FBN1: variants seen among roughly 807,000 people sequenced by gnomAD.
FBN1 encodes fibrillin 1.
In FBN1, 29 loss-of-function variants were observed where a neutral mutation model predicts 365.1. That is an observed-to-expected ratio of 0.08 (90% CI 0.06 to 0.11). The LOEUF (loss-of-function observed/expected upper bound fraction) is 0.11, where lower values mean the gene tolerates loss of function less well. FBN1 is among the 10% of genes least tolerant of loss of function. The pLI is 1.00. For missense variants in FBN1, 2,476 were observed against 3,703.2 expected (o/e 0.67, Z 8.60); for synonymous variants, 1,210 against 1,270.5 (o/e 0.95, Z 1.01).
intron 65 of FBN1, among the ~76,000 whole-genome samples, chr15:48,412,071 C>A (rs2042867903): frequency 1.3e-5 from 2 of 152,216 alleles, no homozygotes; most frequent in Admixed American, 1.3e-4. Flanking sequence ...TATCTGTGCA[C>A]TTCTGAGTTG....
At chr15:48,532,476 ATG>A (rs149675514) in intron 8 of FBN1, among the ~76,000 whole-genome samples, 2,440 of 149,028 alleles carry the variant, frequency 0.016, 53 homozygotes, top group African/African-American at 0.056. Context: ...GTGTGTGTAT[ATG>A]TGTGTGTGTG....
intron 31 of FBN1, 139 bp from the exon 32 acceptor site, chr15:48,481,919 G>T (rs1213511514): frequency 1.2e-6 from 1 of 840,552 alleles, no homozygotes. Context: ...AAATTTTAGA[G>T]GCCAATTTAC....
At chr15:48,432,328 GATTA>G (rs772975647) in intron 55 of FBN1, among the ~76,000 whole-genome samples, 143 of 152,282 alleles carry the variant, frequency 9.4e-4, no homozygotes, top group Non-Finnish European at 1.7e-3. Context: ...CAAACTCTAT[GATTA>G]CTGCAGTTTG....
rs12906384 is a variant in FBN1, at chr15:48,461,954, G to A, written c.5224+1128C>T. ...GCAGGCCATTCAAAAGTAGATGGTG[G>A]GACAGATTTGGCCCATGGGGTGTAT... On this transcript the variant is annotated intron_variant, in intron 42 of 65. Coordinates refer to ENST00000316623, the MANE Select transcript of FBN1 (RefSeq NM_000138.5). Among the ~76,000 whole-genome samples, 111 of 152,242 alleles carry A rather than the reference G, an allele frequency of 7.3e-4. 1 individual carries two copies. Among genetic ancestry groups the A allele is most frequent in the South Asian group, 1.7e-3 (8 of 4,824 alleles).
At chr15:48,427,950 G>C (rs1246079933) in intron 57 of FBN1, 177 bp from the exon 58 acceptor site, 1 of 710,092 alleles carries the variant, frequency 1.4e-6, no homozygotes, top group Admixed American at 2.0e-5. Flanking sequence ...ACGTCTGAGG[G>C]AAACAAATAA....
chr15:48,416,284 G>A (rs1271926990), intron 63 of FBN1, among the ~76,000 whole-genome samples: 2 of 152,152 alleles, frequency 1.3e-5, no homozygotes, highest in Non-Finnish European at 2.9e-5. Context: ...CCTATTTCAG[G>A]ATATGCTGAT....
At chr15:48,528,722 G>A (rs892081724) in intron 8 of FBN1, among the ~76,000 whole-genome samples, 5 of 152,080 alleles carry the variant, frequency 3.3e-5, no homozygotes, top group Admixed American at 1.3e-4. Context: ...GATAAAATGG[G>A]ACTAGGCCAA....
intron 6 of FBN1, among the ~76,000 whole-genome samples, chr15:48,538,788 T>C (rs991231467): frequency 2.6e-5 from 4 of 152,102 alleles, no homozygotes; most frequent in African/African-American, 7.2e-5. Flanking sequence ...CAAACCAACA[T>C]TTGCATGCTT....
chr15:48,618,721 A>C (rs547249133), intron 2 of FBN1, among the ~76,000 whole-genome samples: 3 of 152,310 alleles, frequency 2.0e-5, no homozygotes, highest in Admixed American at 2.0e-4. Context: ...AAGCAAGTGA[A>C]GCTTCCTCTG....
At chr15:48,614,409 A>T (rs1170311624) in intron 2 of FBN1, among the ~76,000 whole-genome samples, 1 of 152,186 alleles carries the variant, frequency 6.6e-6, no homozygotes, top group East Asian at 1.9e-4. Flanking sequence ...ACCACGTGAA[A>T]CAGTACAGAG....
chr15:48,603,400 T>C (rs894866524), intron 4 of FBN1, among the ~76,000 whole-genome samples: 1 of 152,120 alleles, frequency 6.6e-6, no homozygotes, highest in African/African-American at 2.4e-5. Context: ...AGATCTTTAG[T>C]GGGGAATAAA....
At chr15:48,432,759 T>C in intron 55 of FBN1, 107 bp downstream of exon 55, 2 of 1,425,040 alleles carry the variant, frequency 1.4e-6, no homozygotes, top group Non-Finnish European at 2.0e-6. Context: ...CCACGGACTA[T>C]TTATATTCCA....
intron 55 of FBN1, among the ~76,000 whole-genome samples, chr15:48,432,041 A>T (rs1212731881): frequency 1.3e-5 from 2 of 152,166 alleles, no homozygotes; most frequent in Non-Finnish European, 2.9e-5. Context: ...CAAATATCTT[A>T]TTCTCTACTG....
chr15:48,623,952 CACACACAAAGACACAA>C (rs1487175636), intron 2 of FBN1, among the ~76,000 whole-genome samples: 1 of 127,938 alleles, frequency 7.8e-6, no homozygotes, highest in African/African-American at 2.8e-5. Context: ...CTCACATACA[CACACACAAAGACACAA>C]ACACACACAC....
chr15:48,494,027 A>C (rs977807129), intron 23 of FBN1, among the ~76,000 whole-genome samples, 177 bp downstream of exon 23: 8 of 152,196 alleles, frequency 5.3e-5, no homozygotes, highest in Admixed American at 5.2e-4. Context: ...TGACACTAGC[A>C]ACAGTATATA....
At chr15:48,570,928 T>C (rs114352321) in intron 6 of FBN1, among the ~76,000 whole-genome samples, 1,991 of 152,284 alleles carry the variant, frequency 0.013, 42 homozygotes, top group African/African-American at 0.046. Context: ...GCTTGTGTTA[T>C]AGGCCTTCCA....
At chr15:48,497,511 G>A (rs374242391) in intron 18 of FBN1, 120 bp from the exon 19 acceptor site, 12 of 894,776 alleles carry the variant, frequency 1.3e-5, no homozygotes, top group East Asian at 5.3e-5. Flanking sequence ...GAAAAAAATC[G>A]ATTTCACTGG....
chr15:48,444,001 C>A (rs1265394643), intron 49 of FBN1, among the ~76,000 whole-genome samples: 1 of 152,142 alleles, frequency 6.6e-6, no homozygotes, highest in Non-Finnish European at 1.5e-5. Context: ...CACTGTACTT[C>A]AACCTGGTGA....
At chr15:48,435,772 A>ATGTGTGTGTGTG (rs374043226) in intron 53 of FBN1, among the ~76,000 whole-genome samples, 15 of 106,346 alleles carry the variant, frequency 1.4e-4, no homozygotes, top group African/African-American at 2.2e-4. Flanking sequence ...ATATGTGTAT[A>ATGTGTGTGTGTG]TGTGTGTGTG....
Sources: allele counts gnomAD v4.1 joint callset (sites outside exome capture counted in the v4.1 genomes callset), GRCh38; gene constraint gnomAD v4.1.1; transcripts MANE v1.5; gene names NCBI Gene and HGNC (gene_info 2026-07-23, HGNC 2026-07-21).